The following RNF130 variants were observed in gnomAD, a reference collection of about 807,000 sequenced individuals.
RNF130 encodes the protein E3 ubiquitin-protein ligase RNF130.
RNF130 carries 21 observed loss-of-function variants against 44.6 expected under a neutral mutation model. That is an observed-to-expected ratio of 0.47 (90% CI 0.33 to 0.68). The LOEUF (loss-of-function observed/expected upper bound fraction) is 0.68, where lower values mean the gene tolerates loss of function less well. RNF130 is among the 30% of genes least tolerant of loss of function. The probability of loss-of-function intolerance (pLI) is 0.02; values close to 1 mark genes in which losing one functional copy is unlikely to be tolerated. For synonymous variants in RNF130, 214 were observed against 210.4 expected (o/e 1.02, Z -0.15); for missense variants, 479 against 560.6 (o/e 0.85, Z 1.47).
intron 3 of RNF130, among the ~76,000 whole-genome samples, chr5:179,986,446 T>C (rs1762953889): frequency 6.6e-6 from 1 of 152,240 alleles, no homozygotes; most frequent in Non-Finnish European, 1.5e-5. Context: ...TCAAGATTCA[T>C]GATACTGCAC....
At chr5:180,027,978 C>T (rs1218912787) in intron 2 of RNF130, among the ~76,000 whole-genome samples, 1 of 152,220 alleles carries the variant, frequency 6.6e-6, no homozygotes, top group East Asian at 1.9e-4. Context: ...CAAATCCTCC[C>T]GTGTTACTAA....
chr5:180,056,253 G>GA (rs35729589), intron 1 of RNF130, among the ~76,000 whole-genome samples: 1,754 of 146,188 alleles, frequency 0.012, 28 homozygotes, highest in African/African-American at 0.041. Context: ...TATCTGTGGG[G>GA]AAAAAAAAAA....
chr5:180,041,700 C>T (rs905631372), intron 1 of RNF130, among the ~76,000 whole-genome samples: 22 of 152,142 alleles, frequency 1.4e-4, no homozygotes, highest in African/African-American at 3.6e-4. Context: ...TCAGCCCTGC[C>T]GGTCCTCTGT....
In RNF130 at chr5:180,007,392, C is replaced by T. The variant is rs866309637; in HGVS notation, c.693+5669G>A. Among the ~76,000 whole-genome samples the T allele has an allele frequency of 7.2e-5, 11 of 152,096 alleles. No individual in the cohort carries two copies. In the South Asian group the frequency reaches 1.4e-3, roughly 20 times the overall value. On this transcript the variant is annotated intron_variant, in intron 3 of 8. Coordinates refer to ENST00000521389, the MANE Select transcript of RNF130 (RefSeq NM_018434.6). ...CTCCAGCCTGGGTGACAGAGTGAGA[C>T]CCAGTCTCAAAAAACAAAAACAAAA...
At position 179,945,300 on chromosome 5, in the gene RNF130, G is replaced by GCTGACT. The variant is rs1355979378; in HGVS notation, c.1150+21505_1150+21506insAGTCAG. On this transcript the variant is annotated intron_variant, in intron 7 of 7. Transcript: ENST00000522208. Reference sequence around the variant, plus strand: ...TGCTGACTGCACCTGGGAAAACAGTGGGACCCAATGGACCCAAACGCTGCA... The same window carrying GCTGACT: ...TGCTGACTGCACCTGGGAAAACAGTGCTGACTGGACCCAATGGACCCAAACGCTGCA... 3.9e-5 allele frequency among the ~76,000 whole-genome samples: 6 copies of GCTGACT among 152,204 alleles called. No individual in the cohort carries two copies. In the East Asian group the frequency reaches 7.7e-4, roughly 20 times the overall value.
intron 3 of RNF130, among the ~76,000 whole-genome samples, chr5:180,000,642 A>G (rs570259428): frequency 6.6e-6 from 1 of 152,060 alleles, no homozygotes; most frequent in Non-Finnish European, 1.5e-5. Context: ...CTTCAAGTTG[A>G]GAGATTCTTT....
intron 7 of RNF130, among the ~76,000 whole-genome samples, chr5:179,922,250 T>C (rs1018659269): frequency 3.3e-5 from 5 of 149,462 alleles, no homozygotes; most frequent in Admixed American, 1.3e-4. Flanking sequence ...TGTATCTTCG[T>C]TTGTGAAGTG....
exon 8 of RNF130, chr5:179,917,995 G>C (rs1007066071): frequency 2.6e-5 from 4 of 152,258 alleles, no homozygotes; most frequent in African/African-American, 9.7e-5. Context: ...GACAGAGTGA[G>C]ACTGTCTCAA....
chr5:180,045,167 T>G (rs867237452), intron 1 of RNF130, among the ~76,000 whole-genome samples: 3 of 152,220 alleles, frequency 2.0e-5, no homozygotes, highest in Admixed American at 2.0e-4. Context: ...AGAAAAGATC[T>G]CATTTGCAAT....
In RNF130 at chr5:180,071,713, G is replaced by A. The variant is rs779721421; in HGVS notation, c.-11C>T. Reference sequence around the variant, plus strand: ...CCCCGCGCAGCTCATCGTCCCTCCGGCAGCCGCCGCTGCTCGCGGACCGGG... The same window carrying A: ...CCCCGCGCAGCTCATCGTCCCTCCGACAGCCGCCGCTGCTCGCGGACCGGG... On this transcript the variant is annotated 5_prime_UTR_variant, in exon 1 of 9. Transcript: ENST00000521389. 19 of 1,261,692 alleles carry A rather than the reference G, an allele frequency of 1.5e-5. No individual in the cohort carries two copies. In the South Asian group the frequency reaches 4.7e-4, roughly 31 times the overall value. 78.2% of individuals were successfully genotyped at this position (1,261,692 alleles called of 1,614,324 possible).
chr5:179,992,400 C>T (rs1420190625), intron 3 of RNF130, among the ~76,000 whole-genome samples: 3 of 152,198 alleles, frequency 2.0e-5, no homozygotes, highest in South Asian at 2.1e-4. Context: ...CCTCATCCTC[C>T]CAAAGTGCTG....
At chr5:179,919,481 C>T (rs899745108) in exon 8 of RNF130, 1 of 152,508 alleles carries the variant, frequency 6.6e-6, no homozygotes, top group Non-Finnish European at 1.5e-5. Flanking sequence ...GGCCATCCCC[C>T]TGAAATCACT....
intron 3 of RNF130, among the ~76,000 whole-genome samples, chr5:179,992,670 C>T (rs1315584599): frequency 6.6e-6 from 1 of 151,976 alleles, no homozygotes; most frequent in Non-Finnish European, 1.5e-5. Flanking sequence ...CAAATAGTTG[C>T]TTGTCCTTAT....
intron 3 of RNF130, among the ~76,000 whole-genome samples, chr5:180,008,705 T>C (rs112460090): frequency 0.11 from 17,312 of 151,832 alleles, 2,144 homozygotes; most frequent in African/African-American, 0.32. Flanking sequence ...GGCAACACAG[T>C]GAAACCTCAT....
At chr5:180,061,498 A>G (rs1304805363) in intron 1 of RNF130, among the ~76,000 whole-genome samples, 1 of 152,174 alleles carries the variant, frequency 6.6e-6, no homozygotes, top group Non-Finnish European at 1.5e-5. Flanking sequence ...GTCTGGTGTG[A>G]GCAGGGCTGA....
intron 8 of RNF130, 130 bp from the exon 9 acceptor site, chr5:179,955,799 C>T: frequency 4.5e-6 from 3 of 659,506 alleles, no homozygotes; most frequent in Non-Finnish European, 7.8e-6. Context: ...CTGGTAAGGC[C>T]AGGAAGCCAT....
At chr5:179,988,756 A>G (rs968839997) in intron 3 of RNF130, among the ~76,000 whole-genome samples, 1 of 152,208 alleles carries the variant, frequency 6.6e-6, no homozygotes, top group African/African-American at 2.4e-5. Flanking sequence ...GATGCATGAT[A>G]TGATTTCTAT....
intron 1 of RNF130, among the ~76,000 whole-genome samples, chr5:180,055,248 CAAAAAAAAAAAAAAAAAAA>C: frequency 4.8e-5 from 1 of 20,990 alleles, no homozygotes; most frequent in East Asian, 1.2e-3. Context: ...GGTTCTGTCT[CAAAAAAAAAAAAAAAAAAA>C]AAAAAAAAAA....
intron 2 of RNF130, among the ~76,000 whole-genome samples, chr5:180,019,517 G>A (rs767417202): frequency 6.6e-6 from 1 of 152,172 alleles, no homozygotes; most frequent in Non-Finnish European, 1.5e-5. Flanking sequence ...GCTGGCTCCT[G>A]ATCCCAAGAC....
Sources: gnomAD v4.1 joint callset for allele counts (sites outside exome capture counted in the v4.1 genomes callset) on GRCh38, gnomAD v4.1.1 for gene constraint, MANE v1.5 for transcripts, NCBI Gene and HGNC (gene_info 2026-07-23, HGNC 2026-07-21) for gene names.